Variants in SNCG observed in about 807,000 individuals in gnomAD.
SNCG encodes the protein gamma-synuclein.
In SNCG, 13 loss-of-function variants were observed where a neutral mutation model predicts 16.0. The ratio of observed to expected loss-of-function variants is 0.81; its 90% CI spans 0.53 to 1.29. SNCG has a LOEUF of 1.29. Ranked by LOEUF, SNCG falls within the 50% of genes most tolerant of loss-of-function variation. The pLI is 0.00. For synonymous variants in SNCG, 66 were observed against 66.3 expected, an observed-to-expected ratio of 1.00 and a Z score of 0.02; for missense variants, 154 against 168.5, an observed-to-expected ratio of 0.91 and a Z score of 0.48.
chr10:86,959,567 T>A lies in SNCG; in HGVS notation c.122-66T>A, dbSNP rs1013831768. ...CACAGTTTGTCCAGCTGTTCTGTTGTGTTTGTCCTGACCGCCCCCAACACC... is the reference window on the plus strand; with the variant it reads ...CACAGTTTGTCCAGCTGTTCTGTTGAGTTTGTCCTGACCGCCCCCAACACC... On this transcript the variant is annotated intron_variant, in intron 1 of 4. Transcript: ENST00000372017. The surrounding 1 kb of genome is among the most constrained non-coding windows in gnomAD (Gnocchi z 4.3). 7.0e-7 allele frequency: 1 copy of A among 1,431,824 alleles called. No homozygotes were observed. The highest frequency in any genetic ancestry group is 9.8e-7 in the Non-Finnish European group (1 of 1,015,940). The allele number at this position is 1,431,824 out of a possible 1,614,324, so 88.7% of individuals were successfully genotyped here.
At chr10:86,958,327 GC>G, upstream of SNCG, 1 of 985,448 alleles carries the variant, frequency 1.0e-6, no homozygotes, top group East Asian at 1.1e-4. Context: ...AGCCAGGGCT[GC>G]CCCCATGGGT....
At chr10:86,958,388 C>T (rs1844272641), upstream of SNCG, 4 of 985,406 alleles carry the variant, frequency 4.1e-6, no homozygotes, top group Non-Finnish European at 4.8e-6. Context: ...GGCCAGCCCC[C>T]TCCAGCCCAT....
chr10:86,958,718 C>T lies in SNCG; in HGVS notation c.21C>T (p.Gly7=). ...CCACCATGGATGTCTTCAAGAAGGG[C>T]TTCTCCATCGCCAAGGAGGGCGTGG... MDVFKK[G]FSIAKEGVVG... The change falls in exon 1 of 5, where the codon GGC becomes GGT. Residue 7 remains glycine, a synonymous_variant. Transcript: ENST00000372017. 3 of 1,614,112 alleles carry T rather than the reference C, an allele frequency of 1.9e-6. No homozygotes were observed. The highest frequency in any genetic ancestry group is 2.7e-5 in the African/African-American group (2 of 75,076).
chr10:86,960,860 T>C (rs73353636), intron 3 of SNCG, among the ~76,000 whole-genome samples: 1,679 of 152,342 alleles, frequency 0.011, 33 homozygotes, highest in African/African-American at 0.038. Context: ...TGTACGCTTA[T>C]TAGTTCATTT....
chr10:86,957,624 A>G (rs1844258082), upstream of SNCG: 1 of 1,478,536 alleles, frequency 6.8e-7, no homozygotes, highest in South Asian at 1.3e-5. Flanking sequence ...TTCAAGTTAA[A>G]TCTCAGGAGG....
rs1365443292 is a variant in SNCG at position 86,960,120 on chromosome 10, G to C, written c.283G>C (p.Val95Leu). ...AENIAVTSGV[V>L]RKEDLRPSAP... is the part of the protein sequence containing the mutation. Reference sequence around the variant, plus strand: ...GAACATCGCGGTCACCTCCGGGGTGGTGCGCAAGGTGAGCCCCGGCCCTCA... The same window carrying C: ...GAACATCGCGGTCACCTCCGGGGTGCTGCGCAAGGTGAGCCCCGGCCCTCA... The change falls in exon 3 of 5, where the codon GTG (valine) becomes CTG (leucine). Residue 95 changes from valine to leucine, a missense_variant. By Grantham distance (32) the Val-to-Leu change is conservative. Transcript: ENST00000372017. The C allele has an allele frequency of 6.2e-7, 1 of 1,611,780 alleles. No homozygotes were observed. The highest frequency in any genetic ancestry group is 1.1e-5 in the South Asian group (1 of 90,930).
At chr10:86,962,780 C>T in intron 4 of SNCG, 105 bp downstream of exon 4, 1 of 1,155,124 alleles carries the variant, frequency 8.7e-7, no homozygotes, top group Non-Finnish European at 1.2e-6. Context: ...CCCAGAGGGG[C>T]CTCCTGACCT....
chr10:86,963,243 A>C lies in SNCG; in HGVS notation c.*258A>C. 2.4e-6 allele frequency: 1 copy of C among 408,642 alleles called. No homozygotes were observed. The highest frequency in any genetic ancestry group is 4.3e-6 in the Non-Finnish European group (1 of 230,738). The allele number at this position is 408,642 out of a possible 1,614,324, so 25.3% of individuals were successfully genotyped here. ...TTTTTTTTAAATGATTCCAAATAAA[A>C]CTTGAGCCCACTCCTGCCATGCTTC... On this transcript the variant is annotated 3_prime_UTR_variant, in exon 5 of 5. Transcript: ENST00000372017.
intron 3 of SNCG, among the ~76,000 whole-genome samples, chr10:86,960,855 G>A (rs964290931): frequency 1.3e-4 from 20 of 152,224 alleles, no homozygotes; most frequent in Admixed American, 4.6e-4. Context: ...CGCATTGTAC[G>A]CTTATTAGTT....
Position 86,958,624 on chromosome 10 carries a change from C to T in SNCG, c.-74C>T, listed in dbSNP as rs926699915. ...GACAGCCGCTGCGGCAGCACTCGAG[C>T]CAGCTCAAGCCCGCAGCTCGCAGGG... is the stretch of plus-strand genomic sequence containing the variant. On this transcript the variant is annotated 5_prime_UTR_variant, in exon 1 of 5. Coordinates refer to ENST00000372017, the MANE Select transcript of SNCG (RefSeq NM_003087.3). The T allele has an allele frequency of 6.9e-6, 11 of 1,601,430 alleles. No homozygotes were observed. In the African/African-American group the frequency reaches 1.1e-4, roughly 16 times the overall value.
In SNCG at chr10:86,958,621, G is replaced by C. The variant is rs557161416; in HGVS notation, c.-77G>C. On this transcript the variant is annotated 5_prime_UTR_variant, in exon 1 of 5. Coordinates refer to ENST00000372017, the MANE Select transcript of SNCG (RefSeq NM_003087.3). ...GGGGACAGCCGCTGCGGCAGCACTCGAGCCAGCTCAAGCCCGCAGCTCGCA... is the reference window on the plus strand; with the variant it reads ...GGGGACAGCCGCTGCGGCAGCACTCCAGCCAGCTCAAGCCCGCAGCTCGCA... 2.5e-6 allele frequency: 4 copies of C among 1,587,706 alleles called. No individual in the cohort carries two copies. Among genetic ancestry groups the C allele is most frequent in the Non-Finnish European group, 3.4e-6 (4 of 1,166,744 alleles).
Position 86,963,066 on chromosome 10 carries a change from G to A in SNCG, c.*81G>A, listed in dbSNP as rs988096134. On this transcript the variant is annotated 3_prime_UTR_variant, in exon 5 of 5. Coordinates refer to ENST00000372017, the MANE Select transcript of SNCG (RefSeq NM_003087.3). ...TCCCCTCCTAGCACAAGGAGTGCCCGCCTTGAGTGACATGCGGCTGCCCAC... is the reference window on the plus strand; with the variant it reads ...TCCCCTCCTAGCACAAGGAGTGCCCACCTTGAGTGACATGCGGCTGCCCAC... 23 of 1,416,002 alleles carry A rather than the reference G, an allele frequency of 1.6e-5. No homozygotes were observed. The highest frequency in any genetic ancestry group is 6.7e-5 in the Admixed American group (3 of 44,988). 87.7% of individuals were successfully genotyped at this position (1,416,002 alleles called of 1,614,324 possible).
At chr10:86,955,864 C>CA (rs1356846114), upstream of SNCG, among the ~76,000 whole-genome samples, 7 of 152,224 alleles carry the variant, frequency 4.6e-5, no homozygotes, top group East Asian at 1.4e-3. Context: ...CAGGTACATG[C>CA]ACCCTCCCAC....
chr10:86,960,956 G>A (rs1170538018), intron 3 of SNCG, among the ~76,000 whole-genome samples: 1 of 152,230 alleles, frequency 6.6e-6, no homozygotes, highest in Non-Finnish European at 1.5e-5. Flanking sequence ...GTTCATGTGA[G>A]CTTGGAATTC....
chr10:86,958,865 AG>A, intron 1 of SNCG, 47 bp downstream of exon 1: 1 of 1,554,544 alleles, frequency 6.4e-7, no homozygotes, highest in East Asian at 2.3e-5. Context: ...CCAAAGGGTG[AG>A]TGCCCAGTTA....
intron 3 of SNCG, among the ~76,000 whole-genome samples, chr10:86,962,003 G>T (rs1844359916): frequency 6.6e-6 from 1 of 152,256 alleles, no homozygotes; most frequent in African/African-American, 2.4e-5. Flanking sequence ...TAGAAGATGG[G>T]AAGTGAGAGA....
In SNCG at chr10:86,959,611, G is replaced by A; in HGVS notation, c.122-22G>A. The A allele has an allele frequency of 6.2e-7, 1 of 1,613,154 alleles. No individual in the cohort carries two copies. The highest frequency in any genetic ancestry group is 8.5e-7 in the Non-Finnish European group (1 of 1,179,432). ...CAACACCTCGAGGGAGGTCTGGGCTGACAGCTCCATTTCCTCCCCAGGAGC... is the reference window on the plus strand; with the variant it reads ...CAACACCTCGAGGGAGGTCTGGGCTAACAGCTCCATTTCCTCCCCAGGAGC... On this transcript the variant is annotated intron_variant, in intron 1 of 4. Transcript: ENST00000372017. This position sits in a 1 kb window ranked among gnomAD's most constrained non-coding sequence, Gnocchi z 4.3.
chr10:86,959,740 C>G lies in SNCG; in HGVS notation c.163+66C>G, dbSNP rs1844307780. 1 of 1,473,198 alleles carries G rather than the reference C, an allele frequency of 6.8e-7. No individual in the cohort carries two copies. The highest frequency in any genetic ancestry group is 9.2e-7 in the Non-Finnish European group (1 of 1,083,662). The allele number at this position is 1,473,198 out of a possible 1,614,324, so 91.3% of individuals were successfully genotyped here. A position where few individuals can be genotyped will look rare whatever the true frequency, so the allele number is the denominator to read the frequency against. Reference sequence around the variant, plus strand: ...CCCCTGGGGCTCCTGCATCCTAGTGCTGGGGCTCAAACCTAGAGTCCTGCC... The same window carrying G: ...CCCCTGGGGCTCCTGCATCCTAGTGGTGGGGCTCAAACCTAGAGTCCTGCC... On this transcript the variant is annotated intron_variant, in intron 2 of 4. Coordinates refer to ENST00000372017, the MANE Select transcript of SNCG (RefSeq NM_003087.3). The surrounding 1 kb of genome is among the most constrained non-coding windows in gnomAD (Gnocchi z 4.3).
chr10:86,963,017 A>G lies in SNCG; in HGVS notation c.*32A>G, dbSNP rs116732855. 2,873 of 1,593,344 alleles carry G rather than the reference A, an allele frequency of 1.8e-3. 45 individuals are homozygous for G. The African/African-American group carries it at 0.034, about 19-fold the overall frequency. On this transcript the variant is annotated 3_prime_UTR_variant, in exon 5 of 5. Transcript: ENST00000372017. ...ACAGGCCAGCGTGGATGACCTGAAG[A>G]GCGCTCCTCTGCCTTGGACACCATC...
Sources: gnomAD v4.1 joint callset for allele counts (sites outside exome capture counted in the v4.1 genomes callset) on GRCh38, gnomAD v4.1.1 for gene constraint, Gnocchi (gnomAD v3.1) non-coding constraint, MANE v1.5 for transcripts, NCBI Gene and HGNC (gene_info 2026-07-23, HGNC 2026-07-21) for gene names.